Variants in UNC5C observed in about 807,000 individuals in gnomAD.
UNC5C encodes the protein unc-5 netrin receptor C.
In UNC5C, 47 loss-of-function variants were observed where a neutral mutation model predicts 99.8. That is an observed-to-expected ratio of 0.47 (90% confidence interval 0.37 to 0.60). The LOEUF (loss-of-function observed/expected upper bound fraction) is 0.60, where lower values mean the gene tolerates loss of function less well. Ranked by LOEUF, UNC5C falls within the 20% of genes least tolerant of loss-of-function variation. The pLI, the probability that UNC5C is intolerant of heterozygous loss-of-function variation, is 0.00. For missense variants in UNC5C, 1,062 were observed against 1,165.9 expected, an observed-to-expected ratio of 0.91 and a Z score of 1.30; for synonymous variants, 487 against 452.2, an observed-to-expected ratio of 1.08 and a Z score of -0.98.
intron 2 of UNC5C, among the ~76,000 whole-genome samples, chr4:95,324,346 C>T (rs927656267): frequency 1.3e-5 from 2 of 152,140 alleles, no homozygotes; most frequent in African/African-American, 2.4e-5. Flanking sequence ...TCCTATCACC[C>T]CCAGATAGGA....
chr4:95,498,139 G>C (rs1324833707), intron 1 of UNC5C, among the ~76,000 whole-genome samples: 1 of 151,908 alleles, frequency 6.6e-6, no homozygotes, highest in East Asian at 1.9e-4. Context: ...CATCTATCAT[G>C]GACCCCGAAA....
chr4:95,525,369 A>C (rs1282238305), intron 1 of UNC5C, among the ~76,000 whole-genome samples: 2 of 151,864 alleles, frequency 1.3e-5, no homozygotes, highest in Non-Finnish European at 2.9e-5. Context: ...ACGTTTTGAA[A>C]CTCATGACTC....
At chr4:95,472,405 G>A (rs144888930) in intron 1 of UNC5C, among the ~76,000 whole-genome samples, 267 of 152,240 alleles carry the variant, frequency 1.8e-3, no homozygotes, top group African/African-American at 6.1e-3. Flanking sequence ...TCATGAGGGG[G>A]AGAGGAATAC....
At chr4:95,227,177 T>C (rs1244843169) in intron 7 of UNC5C, among the ~76,000 whole-genome samples, 1 of 151,402 alleles carries the variant, frequency 6.6e-6, no homozygotes, top group East Asian at 1.9e-4. Context: ...CGAGATAGGG[T>C]CTTGCTCTGT....
intron 2 of UNC5C, among the ~76,000 whole-genome samples, chr4:95,333,407 T>C (rs902838581): frequency 6.6e-6 from 1 of 152,160 alleles, no homozygotes; most frequent in Non-Finnish European, 1.5e-5. Flanking sequence ...AATGATGAGT[T>C]CATGTCATTT....
At chr4:95,203,713 C>T (rs1451861338) in intron 11 of UNC5C, among the ~76,000 whole-genome samples, 2 of 152,308 alleles carry the variant, frequency 1.3e-5, no homozygotes, top group East Asian at 3.9e-4. Context: ...ACCCACTTGC[C>T]TTGGCCTCCC....
intron 4 of UNC5C, among the ~76,000 whole-genome samples, chr4:95,262,034 A>T (rs1334059533): frequency 1.3e-5 from 2 of 152,166 alleles, no homozygotes; most frequent in Admixed American, 1.3e-4. Context: ...ATCTCTAAGA[A>T]CTTGCCCTCT....
At position 95,316,038 on chromosome 4, in the gene UNC5C, G is replaced by A. The variant is rs998812265; in HGVS notation, c.347-14289C>T. ...TGCATATTCACTGTTGAATAAATCA[G>A]TGGTTAATAAATGTCCTTGGAAATG... On this transcript the variant is annotated intron_variant, in intron 2 of 15. Coordinates refer to ENST00000453304, the MANE Select transcript of UNC5C (RefSeq NM_003728.4). Among the ~76,000 whole-genome samples, 3 of 152,128 alleles carry A rather than the reference G, an allele frequency of 2.0e-5. No individual in the cohort carries two copies. In the South Asian group the frequency reaches 6.2e-4, roughly 31 times the overall value.
chr4:95,543,670 G>A (rs994122517), intron 1 of UNC5C, among the ~76,000 whole-genome samples: 5 of 152,080 alleles, frequency 3.3e-5, no homozygotes, highest in Non-Finnish European at 7.4e-5. Context: ...GAAATCCTGG[G>A]GTGTACCTTT....
intron 1 of UNC5C, among the ~76,000 whole-genome samples, chr4:95,405,774 C>T (rs996212753): frequency 6.6e-6 from 1 of 152,192 alleles, no homozygotes; most frequent in Non-Finnish European, 1.5e-5. Context: ...CACACGTTAG[C>T]TGTGTGTGCA....
In UNC5C at chr4:95,527,252, T is replaced by C. The variant is rs1340553654; in HGVS notation, c.124+21482A>G. 2.0e-5 allele frequency among the ~76,000 whole-genome samples: 3 copies of C among 152,102 alleles called. No individual in the cohort carries two copies. In the East Asian group the frequency reaches 5.8e-4, roughly 29 times the overall value. ...AAACGCATCACACACGTTAATAGTA[T>C]TTGCCTAATTTTACTTCACTTAGGA... On this transcript the variant is annotated intron_variant, in intron 1 of 15. Coordinates refer to ENST00000453304, the MANE Select transcript of UNC5C (RefSeq NM_003728.4).
chr4:95,169,636 A>G (rs909201474), intron 15 of UNC5C, among the ~76,000 whole-genome samples: 12 of 152,164 alleles, frequency 7.9e-5, no homozygotes, highest in African/African-American at 1.9e-4. Context: ...CAAGATGTCT[A>G]TGGGTCATAT....
intron 12 of UNC5C, among the ~76,000 whole-genome samples, chr4:95,192,572 C>T (rs1737193125): frequency 6.8e-6 from 1 of 148,080 alleles, no homozygotes; most frequent in Non-Finnish European, 1.5e-5. Context: ...ACCTCTTCCC[C>T]TGCTCACCTC....
chr4:95,440,554 T>C (rs542845476), intron 1 of UNC5C, among the ~76,000 whole-genome samples: 1 of 152,152 alleles, frequency 6.6e-6, no homozygotes, highest in Admixed American at 6.6e-5. Flanking sequence ...CTTACTTCTT[T>C]CCACTCAAAA....
chr4:95,197,345 C>T (rs1737472940), intron 12 of UNC5C, among the ~76,000 whole-genome samples: 1 of 151,752 alleles, frequency 6.6e-6, no homozygotes, highest in Admixed American at 6.6e-5. Flanking sequence ...GTGGATTTTT[C>T]TGCAATTTGT....
intron 1 of UNC5C, among the ~76,000 whole-genome samples, chr4:95,394,283 C>T (rs1745446219): frequency 6.6e-6 from 1 of 151,474 alleles, no homozygotes; most frequent in Non-Finnish European, 1.5e-5. Context: ...TCCAATCCCA[C>T]TAACGCAAGT....
At chr4:95,213,129 A>G (rs1342901784) in intron 10 of UNC5C, among the ~76,000 whole-genome samples, 4 of 152,200 alleles carry the variant, frequency 2.6e-5, no homozygotes, top group Admixed American at 2.0e-4. Flanking sequence ...AGGGTGTTCT[A>G]TTTACCTTTG....
chr4:95,257,614 G>A (rs1487320981), intron 4 of UNC5C, among the ~76,000 whole-genome samples: 3 of 152,172 alleles, frequency 2.0e-5, no homozygotes, highest in African/African-American at 4.8e-5. Flanking sequence ...AAGTAATTGA[G>A]GGTAGAAAGG....
At chr4:95,192,582 C>T (rs1737194102) in intron 12 of UNC5C, among the ~76,000 whole-genome samples, 1 of 147,408 alleles carries the variant, frequency 6.8e-6, no homozygotes, top group Non-Finnish European at 1.5e-5. Context: ...CTGCTCACCT[C>T]CTCACCTTCT....
Sources: allele counts gnomAD v4.1 joint callset (sites outside exome capture counted in the v4.1 genomes callset), GRCh38; gene constraint gnomAD v4.1.1; transcripts MANE v1.5; gene names NCBI Gene and HGNC (gene_info 2026-07-23, HGNC 2026-07-21).